SUSD1: variants seen among roughly 807,000 people sequenced by gnomAD.
SUSD1 encodes sushi domain containing 1.
A neutral mutation model predicts 86.9 loss-of-function variants in SUSD1; 65 were observed. The observed-to-expected ratio is 0.75, with a 90% CI of 0.61 to 0.92. The LOEUF (loss-of-function observed/expected upper bound fraction) is 0.92. Ranked by LOEUF, SUSD1 falls within the 40% of genes least tolerant of loss-of-function variation. SUSD1 has a pLI of 0.00. For missense variants in SUSD1, 850 were observed against 929.7 expected, an observed-to-expected ratio of 0.91 and a Z score of 1.11; for synonymous variants, 346 against 350.0, an observed-to-expected ratio of 0.99 and a Z score of 0.13.
Position 112,145,910 on chromosome 9 carries a change from G to A in SUSD1, c.374-2287C>T, listed in dbSNP as rs1832789706. 2.0e-5 allele frequency: 3 copies of A among 152,130 alleles called. No individual in the cohort carries two copies. The South Asian group carries it at 6.2e-4, about 32-fold the overall frequency. The allele number at this position is 152,130 out of a possible 1,614,324, so 9.4% of individuals were successfully genotyped here. A position where few individuals can be genotyped will look rare whatever the true frequency, so the allele number is the denominator to read the frequency against. ...ATCTGCCTGTTCTCCATGACTGGCT[G>A]GAATCATCTCACACTAGAACCCCAG... On this transcript the variant is annotated intron_variant, in intron 3 of 16. Coordinates refer to ENST00000374270, the MANE Select transcript of SUSD1 (RefSeq NM_022486.5).
chr9:112,135,993 C>T (rs1161542545), intron 5 of SUSD1, among the ~76,000 whole-genome samples: 1 of 152,168 alleles, frequency 6.6e-6, no homozygotes, highest in Non-Finnish European at 1.5e-5. Context: ...GCTCATGCAT[C>T]GTCCCCACTA....
intron 1 of SUSD1, among the ~76,000 whole-genome samples, chr9:112,167,199 C>A (rs556753640): frequency 2.6e-5 from 4 of 152,186 alleles, no homozygotes; most frequent in African/African-American, 9.6e-5. Context: ...CAGGCTCAGG[C>A]GAGTCTCCCA....
intron 6 of SUSD1, among the ~76,000 whole-genome samples, chr9:112,116,800 G>A (rs1447264716): frequency 6.6e-6 from 1 of 152,198 alleles, no homozygotes; most frequent in Non-Finnish European, 1.5e-5. Context: ...GGCTGGTAGA[G>A]TGACTGATGT....
chr9:112,123,369 C>G (rs1831630104), intron 6 of SUSD1, among the ~76,000 whole-genome samples: 1 of 152,144 alleles, frequency 6.6e-6, no homozygotes, highest in Admixed American at 6.5e-5. Flanking sequence ...AGAGCAAGAA[C>G]TCATCACCAA....
intron 14 of SUSD1, among the ~76,000 whole-genome samples, chr9:112,055,757 A>G (rs1828419535): frequency 6.6e-6 from 1 of 152,220 alleles, no homozygotes; most frequent in Non-Finnish European, 1.5e-5. Flanking sequence ...AAAATATCCC[A>G]TTATTCATCC....
Position 112,045,074 on chromosome 9 carries a change from G to A in SUSD1, c.2150-3114C>T, listed in dbSNP as rs144425338. 3.5e-3 allele frequency among the ~76,000 whole-genome samples: 533 copies of A among 152,338 alleles called. 2 individuals are homozygous for A. Among genetic ancestry groups the A allele is most frequent in the African/African-American group, 0.011 (473 of 41,582 alleles). ...AAAATGCAAATTAAGGCATTAAGAT[G>A]CCATCTTTGTGCATGACTCAGAAAC... On this transcript the variant is annotated intron_variant, in intron 15 of 16. Coordinates refer to ENST00000374270, the MANE Select transcript of SUSD1 (RefSeq NM_022486.5).
At chr9:112,131,776 CAT>C (rs761557295) in intron 5 of SUSD1, among the ~76,000 whole-genome samples, 35 of 152,214 alleles carry the variant, frequency 2.3e-4, no homozygotes, top group Admixed American at 4.6e-4. Context: ...CATTAAAGCA[CAT>C]GTTTCTCTGG....
chr9:112,056,623 A>G (rs1000848192), intron 14 of SUSD1, among the ~76,000 whole-genome samples: 2 of 152,184 alleles, frequency 1.3e-5, no homozygotes, highest in East Asian at 3.8e-4. Context: ...TTAACATCCT[A>G]AAGAATAACC....
intron 11 of SUSD1, among the ~76,000 whole-genome samples, chr9:112,079,680 GAAACCT>G (rs1829683391): frequency 6.6e-6 from 1 of 150,592 alleles, no homozygotes; most frequent in Non-Finnish European, 1.5e-5. Context: ...TTGGTTAACA[GAAACCT>G]CCACCTCTTG....
intron 1 of SUSD1, among the ~76,000 whole-genome samples, chr9:112,164,334 T>A (rs1312117982): frequency 6.6e-6 from 1 of 152,180 alleles, no homozygotes; most frequent in Non-Finnish European, 1.5e-5. Context: ...TCTAATTCAC[T>A]GTGTGACCTT....
intron 15 of SUSD1, among the ~76,000 whole-genome samples, chr9:112,044,024 T>A (rs1048237528): frequency 6.6e-6 from 1 of 152,176 alleles, no homozygotes; most frequent in Non-Finnish European, 1.5e-5. Context: ...GGTCTCGAAC[T>A]CTTGACCTCA....
At chr9:112,135,470 G>GA (rs935059639) in intron 5 of SUSD1, among the ~76,000 whole-genome samples, 5 of 152,104 alleles carry the variant, frequency 3.3e-5, no homozygotes, top group Admixed American at 6.5e-5. Context: ...AATGTTAAGG[G>GA]AAAAAAAGGG....
intron 13 of SUSD1, among the ~76,000 whole-genome samples, chr9:112,060,588 T>C (rs4979077): frequency 0.5 from 76,754 of 152,122 alleles, 20,824 homozygotes; most frequent in African/African-American, 0.71. Flanking sequence ...TAAGCCACTG[T>C]GCCTGGCCCA....
chr9:112,172,492 C>T (rs1347376213), intron 1 of SUSD1, among the ~76,000 whole-genome samples: 1 of 152,166 alleles, frequency 6.6e-6, no homozygotes, highest in Non-Finnish European at 1.5e-5. Context: ...TTTCATCCTC[C>T]CAATCTTGTC....
chr9:112,160,702 T>A (rs530359759), intron 1 of SUSD1, among the ~76,000 whole-genome samples: 1 of 152,040 alleles, frequency 6.6e-6, no homozygotes, highest in South Asian at 2.1e-4. Context: ...GAAAAAGAGA[T>A]GGATGCATGG....
At chr9:112,096,445 T>C (rs924536397) in intron 10 of SUSD1, among the ~76,000 whole-genome samples, 9 of 152,200 alleles carry the variant, frequency 5.9e-5, no homozygotes, top group African/African-American at 1.9e-4. Flanking sequence ...CAGGACACTC[T>C]GGCCAAGACT....
At chr9:112,065,251 A>C (rs1828924945) in intron 12 of SUSD1, among the ~76,000 whole-genome samples, 1 of 152,022 alleles carries the variant, frequency 6.6e-6, no homozygotes, top group Non-Finnish European at 1.5e-5. Context: ...GGCCAGGGAC[A>C]GTGGCTCATG....
chr9:112,059,208 A>T (rs991020530), intron 13 of SUSD1, among the ~76,000 whole-genome samples: 3 of 152,202 alleles, frequency 2.0e-5, no homozygotes, highest in African/African-American at 7.2e-5. Flanking sequence ...TTTGAACCTA[A>T]AGGGTTAATG....
chr9:112,090,210 C>T (rs529128076), intron 10 of SUSD1, among the ~76,000 whole-genome samples: 17 of 152,084 alleles, frequency 1.1e-4, no homozygotes, highest in African/African-American at 2.4e-4. Context: ...AAAAGTTAAA[C>T]GAAACTACTT....
Sources: gnomAD v4.1 joint callset for allele counts (sites outside exome capture counted in the v4.1 genomes callset) on GRCh38, gnomAD v4.1.1 for gene constraint, MANE v1.5 for transcripts, NCBI Gene and HGNC (gene_info 2026-07-23, HGNC 2026-07-21) for gene names.